SYT9: variants seen among roughly 807,000 people sequenced by gnomAD.
SYT9 encodes synaptotagmin 9, also known as synaptotagmin-9.
In SYT9, 22 loss-of-function variants were observed where a neutral mutation model predicts 48.4. The observed-to-expected ratio is 0.45, with a 90% CI of 0.32 to 0.65. SYT9 has a LOEUF of 0.65. SYT9 is among the 30% of genes least tolerant of loss of function. SYT9 has a pLI of 0.03. For synonymous variants in SYT9, 265 were observed against 245.0 expected, an observed-to-expected ratio of 1.08 and a Z score of -0.76; for missense variants, 577 against 622.0, an observed-to-expected ratio of 0.93 and a Z score of 0.77.
intron 6 of SYT9, among the ~76,000 whole-genome samples, chr11:7,425,860 C>T (rs4454694): frequency 1.3e-5 from 2 of 152,094 alleles, no homozygotes; most frequent in South Asian, 2.1e-4. Context: ...GGTGCTCCCC[C>T]CCAATATAGT....
intron 3 of SYT9, among the ~76,000 whole-genome samples, chr11:7,385,513 T>C (rs1222772513): frequency 1.3e-5 from 2 of 151,946 alleles, no homozygotes; most frequent in Non-Finnish European, 2.9e-5. Flanking sequence ...GGAAGGCAAA[T>C]GAAAAGAATC....
intron 3 of SYT9, among the ~76,000 whole-genome samples, chr11:7,335,071 T>C (rs1260688287): frequency 6.6e-6 from 1 of 152,190 alleles, no homozygotes; most frequent in African/African-American, 2.4e-5. Flanking sequence ...AAAATGATTG[T>C]ATCATTTTAC....
intron 6 of SYT9, among the ~76,000 whole-genome samples, chr11:7,463,522 CAT>C (rs1195251136): frequency 1.3e-5 from 2 of 152,236 alleles, no homozygotes; most frequent in Admixed American, 1.3e-4. Context: ...AAAATTTACT[CAT>C]GTCTTCTCCT....
chr11:7,432,617 A>C (rs1190475371), intron 6 of SYT9, among the ~76,000 whole-genome samples: 5 of 35,550 alleles, frequency 1.4e-4, no homozygotes, highest in Non-Finnish European at 2.8e-4. Context: ...ATATATATAT[A>C]TATATATATA....
intron 1 of SYT9, among the ~76,000 whole-genome samples, chr11:7,276,569 G>A (rs150358866): frequency 6.6e-6 from 1 of 152,164 alleles, no homozygotes; most frequent in African/African-American, 2.4e-5. Context: ...TAACTGCAGG[G>A]TGTGCCCCAC....
At chr11:7,297,087 A>T (rs868742922) in intron 1 of SYT9, among the ~76,000 whole-genome samples, 139 of 124,976 alleles carry the variant, frequency 1.1e-3, no homozygotes, top group African/African-American at 4.7e-3. Context: ...TGTGTGTGTG[A>T]GAGAGAGAGA....
chr11:7,295,725 T>C (rs1157139976), intron 1 of SYT9, among the ~76,000 whole-genome samples: 1 of 152,226 alleles, frequency 6.6e-6, no homozygotes, highest in Non-Finnish European at 1.5e-5. Context: ...TATCAATTTC[T>C]GTGTCTTATG....
intron 1 of SYT9, among the ~76,000 whole-genome samples, chr11:7,281,474 TATG>T (rs1848491184): frequency 6.6e-6 from 1 of 152,240 alleles, no homozygotes; most frequent in Non-Finnish European, 1.5e-5. Flanking sequence ...ACAGTGATGT[TATG>T]ATATTACTGC....
chr11:7,466,802 C>G lies in SYT9; in HGVS notation c.*2C>G. On this transcript the variant is annotated 3_prime_UTR_variant, in exon 7 of 7. Transcript: ENST00000318881. ...TTTTTCTTCCTGCAGAAACGATGAC[C>G]ATGGGTAAGAGGACTGCTTGTGCCA... 1.9e-6 allele frequency: 3 copies of G among 1,613,124 alleles called. No individual in the cohort carries two copies. Among genetic ancestry groups the G allele is most frequent in the South Asian group, 1.1e-5 (1 of 90,710 alleles).
At chr11:7,305,680 C>T (rs1849017507) in intron 2 of SYT9, among the ~76,000 whole-genome samples, 1 of 152,234 alleles carries the variant, frequency 6.6e-6, no homozygotes, top group African/African-American at 2.4e-5. Flanking sequence ...ACTGTTTCTT[C>T]TCTTTTCTTT....
intron 1 of SYT9, among the ~76,000 whole-genome samples, chr11:7,258,790 T>A (rs1364089300): frequency 3.9e-5 from 6 of 152,148 alleles, no homozygotes; most frequent in Admixed American, 3.3e-4. Flanking sequence ...CACCTGCCCA[T>A]GTTTCCTTTC....
chr11:7,297,678 C>G (rs184127247), intron 1 of SYT9, among the ~76,000 whole-genome samples: 109 of 152,248 alleles, frequency 7.2e-4, no homozygotes, highest in African/African-American at 2.6e-3. Context: ...TGTTTTCTGC[C>G]TCATTTTAAT....
intron 3 of SYT9, among the ~76,000 whole-genome samples, chr11:7,335,671 A>C (rs1007686434): frequency 1.3e-5 from 2 of 152,124 alleles, no homozygotes; most frequent in Non-Finnish European, 2.9e-5. Flanking sequence ...GATGCATAGT[A>C]GTCCATGGAA....
At chr11:7,290,472 G>C (rs183968852) in intron 1 of SYT9, among the ~76,000 whole-genome samples, 2 of 152,120 alleles carry the variant, frequency 1.3e-5, no homozygotes, top group African/African-American at 4.8e-5. Flanking sequence ...CTCTGCCTGC[G>C]TGGAGTCTTA....
At chr11:7,311,459 C>A (rs2133949585) in intron 2 of SYT9, among the ~76,000 whole-genome samples, 1 of 152,360 alleles carries the variant, frequency 6.6e-6, no homozygotes, top group African/African-American at 2.4e-5. Flanking sequence ...CAGCAACCAT[C>A]TGCGGAGCAG....
upstream of SYT9, among the ~76,000 whole-genome samples, chr11:7,251,453 T>A (rs1056366294): frequency 7.9e-5 from 12 of 152,164 alleles, no homozygotes; most frequent in African/African-American, 2.9e-4. Context: ...AAATCCTTCC[T>A]TTGTTGGCGA....
At chr11:7,423,279 A>T (rs1043796290) in intron 6 of SYT9, among the ~76,000 whole-genome samples, 1 of 152,214 alleles carries the variant, frequency 6.6e-6, no homozygotes, top group African/African-American at 2.4e-5. Flanking sequence ...TTAAAAATGA[A>T]CATTGAGCTG....
At chr11:7,248,363 T>C (rs2119737025), upstream of SYT9, among the ~76,000 whole-genome samples, 1 of 152,298 alleles carries the variant, frequency 6.6e-6, no homozygotes, top group East Asian at 1.9e-4. Flanking sequence ...TTTGTTTTTA[T>C]TGCATTTGTT....
chr11:7,303,776 C>T (rs1552460), intron 2 of SYT9, among the ~76,000 whole-genome samples: 133,072 of 152,186 alleles, frequency 0.87, 58,313 homozygotes, highest in South Asian at 0.93. Flanking sequence ...TGAACCCTGG[C>T]TCAACCAACA....
Sources: allele counts gnomAD v4.1 joint callset (sites outside exome capture counted in the v4.1 genomes callset), GRCh38; gene constraint gnomAD v4.1.1; transcripts MANE v1.5; gene names NCBI Gene and HGNC (gene_info 2026-07-23, HGNC 2026-07-21).